ZNF674: variants seen among roughly 807,000 people sequenced by gnomAD.
The protein encoded by ZNF674 is zinc finger protein 674.
In ZNF674, 2 loss-of-function variants were observed where a neutral mutation model predicts 7.0. That is an observed-to-expected ratio of 0.29 (90% CI 0.12 to 0.90). The LOEUF (loss-of-function observed/expected upper bound fraction) is 0.90, where lower values mean the gene tolerates loss of function less well. Among genes scored for constraint, ZNF674 ranks in the 40% least tolerant of loss-of-function variants. ZNF674 has a pLI of 0.57. For synonymous variants in ZNF674, 103 were observed against 145.2 expected, an observed-to-expected ratio of 0.71 and a Z score of 2.09; for missense variants, 297 against 415.5, an observed-to-expected ratio of 0.71 and a Z score of 2.48.
Position 46,500,543 on chromosome X carries a change from T to C in ZNF674, c.1031A>G (p.Gln344Arg). Residue 344 changes from glutamine to arginine, a missense_variant, in exon 6 of 6, where the codon CAA becomes CGA. Physicochemically the swap from Gln to Arg is conservative, Grantham distance 43 (BLOSUM62 1). Transcript: ENST00000683375. The stretch of plus-strand genomic sequence containing the variant: ...AGGTTTCTCACTTGTGTGAATTCTT[T>C]GATATATAAGGCTGGACGTAGTACA... ...IKCTTSSLIY[Q>R]RIHTSEKPQC... The C allele has an allele frequency of 8.3e-7, 1 of 1,211,572 alleles. No homozygotes were observed. Among genetic ancestry groups the C allele is most frequent in the Non-Finnish European group, 1.1e-6 (1 of 895,000 alleles).
At chrX:46,538,412 TAAGAC>T (rs964767643) in intron 3 of ZNF674, among the ~76,000 whole-genome samples, 1 of 111,474 alleles carries the variant, frequency 9.0e-6, no homozygotes, top group Admixed American at 9.6e-5. Context: ...CCAAAATTAA[TAAGAC>T]AAGTCAAAGC....
intron 3 of ZNF674, among the ~76,000 whole-genome samples, chrX:46,538,432 G>T (rs753941486): frequency 8.9e-6 from 1 of 111,762 alleles, no homozygotes; most frequent in Non-Finnish European, 1.9e-5. Flanking sequence ...CAAAGCAAAT[G>T]AAGTATGAAA....
Position 46,497,962 on chromosome X carries a change from C to T in ZNF674, c.*1881G>A, listed in dbSNP as rs1207460106. 1.8e-5 allele frequency: 2 copies of T among 111,208 alleles called. No homozygotes were observed. Among genetic ancestry groups the T allele is most frequent in the Non-Finnish European group, 3.8e-5 (2 of 52,961 alleles). The allele number at this position is 111,208 out of a possible 1,213,427, so 9.2% of individuals were successfully genotyped here. On this transcript the variant is annotated 3_prime_UTR_variant, in exon 6 of 6. Coordinates refer to ENST00000683375, the MANE Select transcript of ZNF674 (RefSeq NM_001190417.2). ...ATACAAATTTATACTTAAATAAATA[C>T]AAATTTATACTTATATGTGCATATA...
At chrX:46,538,143 A>G (rs1166226927) in intron 3 of ZNF674, among the ~76,000 whole-genome samples, 3 of 111,385 alleles carry the variant, frequency 2.7e-5, no homozygotes, top group Non-Finnish European at 5.6e-5. Context: ...ATCCTCCTAA[A>G]TTTTTACCCA....
At chrX:46,534,522 C>T (rs1366128937) in intron 3 of ZNF674, among the ~76,000 whole-genome samples, 3 of 110,766 alleles carry the variant, frequency 2.7e-5, no homozygotes, top group Non-Finnish European at 5.7e-5. Flanking sequence ...CCACCTCACC[C>T]AGCTAATTTT....
chrX:46,531,837 T>A (rs1942113793), intron 3 of ZNF674, among the ~76,000 whole-genome samples: 1 of 109,887 alleles, frequency 9.1e-6, no homozygotes, highest in East Asian at 2.8e-4. Context: ...TAATAAAAAA[T>A]AATAAAATAA....
At chrX:46,530,455 A>G (rs1261651669) in intron 3 of ZNF674, among the ~76,000 whole-genome samples, 1 of 111,121 alleles carries the variant, frequency 9.0e-6, no homozygotes, top group Non-Finnish European at 1.9e-5. Context: ...CATGGCTTCG[A>G]GGATCCCAGC....
chrX:46,528,358 G>T lies in ZNF674; in HGVS notation c.230C>A (p.Thr77Asn), dbSNP rs1942046788. The part of the protein sequence containing the change: ...WMADGGTPVR[T>N]CAEVWEVDEQ... ...ACCTGGCCTGTCCTCACCTGCACAG[G>T]TCCGTACCGGGGTCCCTCCATCTGC... is the stretch of plus-strand genomic sequence containing the variant. Residue 77 changes from threonine to asparagine, a missense_variant, in exon 5 of 6, where the codon ACC becomes AAC. Transcript: ENST00000683375. 1 of 1,211,226 alleles carries T rather than the reference G, an allele frequency of 8.3e-7. No individual in the cohort carries two copies. Among genetic ancestry groups the T allele is most frequent in the Non-Finnish European group, 1.1e-6 (1 of 895,334 alleles).
chrX:46,505,577 C>A (rs1197695702), intron 5 of ZNF674, among the ~76,000 whole-genome samples: 1 of 111,338 alleles, frequency 9.0e-6, no homozygotes, highest in South Asian at 3.8e-4. Flanking sequence ...TCAGGACCAG[C>A]CTGGCCAACA....
At position 46,531,576 on chromosome X, in the gene ZNF674, G is replaced by T. The variant is rs149890103; in HGVS notation, c.16-2667C>A. Among the ~76,000 whole-genome samples the T allele has an allele frequency of 8.2e-3, 915 of 111,345 alleles. 8 individuals are homozygous for T. Among genetic ancestry groups the T allele is most frequent in the South Asian group, 0.033 (87 of 2,665 alleles). ...ATTTGGGTAAACAGCCTGGGGCCTGGGATTACATCTCGTGTCAGGAGTGTT... is the reference window on the plus strand; with the variant it reads ...ATTTGGGTAAACAGCCTGGGGCCTGTGATTACATCTCGTGTCAGGAGTGTT... On this transcript the variant is annotated intron_variant, in intron 3 of 5. Coordinates refer to ENST00000683375, the MANE Select transcript of ZNF674 (RefSeq NM_001190417.2).
chrX:46,520,207 G>A (rs1941881580), intron 5 of ZNF674, among the ~76,000 whole-genome samples: 1 of 110,603 alleles, frequency 9.0e-6, no homozygotes, highest in Non-Finnish European at 1.9e-5. Context: ...TTCGAGACCA[G>A]CCTGGCCAAC....
At chrX:46,537,610 A>T (rs1569483567) in intron 3 of ZNF674, among the ~76,000 whole-genome samples, 1 of 111,378 alleles carries the variant, frequency 9.0e-6, no homozygotes, top group Non-Finnish European at 1.9e-5. Flanking sequence ...TTTCTACCAC[A>T]TTTTTTTGTT....
At chrX:46,518,183 G>A (rs1419258434) in intron 5 of ZNF674, among the ~76,000 whole-genome samples, 4 of 110,959 alleles carry the variant, frequency 3.6e-5, no homozygotes, top group Admixed American at 9.7e-5. Context: ...AACAGAAATG[G>A]CAAAATATAT....
At chrX:46,509,331 T>C (rs1941602373) in intron 5 of ZNF674, among the ~76,000 whole-genome samples, 1 of 109,626 alleles carries the variant, frequency 9.1e-6, no homozygotes, top group Non-Finnish European at 1.9e-5. Flanking sequence ...CAAAAGAAAC[T>C]ACCATCAGAG....
intron 5 of ZNF674, among the ~76,000 whole-genome samples, chrX:46,520,792 T>C (rs764074814): frequency 1.8e-5 from 2 of 111,717 alleles, no homozygotes; most frequent in African/African-American, 6.5e-5. Flanking sequence ...AGATTGTCAG[T>C]TGAGATTAAA....
intron 5 of ZNF674, among the ~76,000 whole-genome samples, chrX:46,521,596 C>T (rs1171720140): frequency 3.1e-5 from 3 of 96,498 alleles, no homozygotes; most frequent in Non-Finnish European, 4.1e-5. Flanking sequence ...TACTATGGGC[C>T]GGGCGCAGTG....
At chrX:46,535,694 T>G (rs1314675826) in intron 3 of ZNF674, among the ~76,000 whole-genome samples, 1 of 111,886 alleles carries the variant, frequency 8.9e-6, no homozygotes, top group Non-Finnish European at 1.9e-5. Flanking sequence ...ACCAAAGAAG[T>G]TATAAACTAT....
At chrX:46,519,057 G>A (rs1404309855) in intron 5 of ZNF674, among the ~76,000 whole-genome samples, 1 of 107,237 alleles carries the variant, frequency 9.3e-6, no homozygotes, top group African/African-American at 3.4e-5. Flanking sequence ...ACAAAACTTA[G>A]CTGGGCGTGG....
chrX:46,543,062 T>G (rs1942320429), intron 2 of ZNF674, among the ~76,000 whole-genome samples: 1 of 111,532 alleles, frequency 9.0e-6, no homozygotes, highest in South Asian at 3.8e-4. Flanking sequence ...GCGATTCTCC[T>G]GCCTCAGCAT....
Sources: allele counts gnomAD v4.1 joint callset (sites outside exome capture counted in the v4.1 genomes callset), GRCh38; gene constraint gnomAD v4.1.1; transcripts MANE v1.5; gene names NCBI Gene and HGNC (gene_info 2026-07-23, HGNC 2026-07-21).